Variants in ZDHHC14 observed in about 807,000 individuals in gnomAD.
ZDHHC14 encodes palmitoyltransferase ZDHHC14.
ZDHHC14 carries 16 observed loss-of-function variants against 47.7 expected under a neutral mutation model. That is an observed-to-expected ratio of 0.34 (90% CI 0.23 to 0.51). ZDHHC14 has a LOEUF of 0.51. Among genes scored for constraint, ZDHHC14 ranks in the 20% least tolerant of loss-of-function variants. ZDHHC14 has a pLI of 0.97. For missense variants in ZDHHC14, 515 were observed against 662.5 expected (o/e 0.78, Z 2.44); for synonymous variants, 293 against 278.9 (o/e 1.05, Z -0.50).
intron 3 of ZDHHC14, among the ~76,000 whole-genome samples, chr6:157,619,207 G>A (rs1383665726): frequency 2.0e-5 from 3 of 149,840 alleles, no homozygotes; most frequent in Non-Finnish European, 3.0e-5. Flanking sequence ...ATGGTGAAAC[G>A]CCGTCTCTAC....
At chr6:157,661,812 C>G (rs1397145341) in intron 8 of ZDHHC14, among the ~76,000 whole-genome samples, 1 of 152,196 alleles carries the variant, frequency 6.6e-6, no homozygotes, top group African/African-American at 2.4e-5. Context: ...ACCTAATAAA[C>G]TGGAGGAGCT....
chr6:157,477,021 T>C (rs1245738121), intron 1 of ZDHHC14, among the ~76,000 whole-genome samples: 1 of 152,096 alleles, frequency 6.6e-6, no homozygotes, highest in Non-Finnish European at 1.5e-5. Flanking sequence ...AGCCACTTCT[T>C]TTCAACATAG....
chr6:157,555,196 A>T (rs1265531014), intron 2 of ZDHHC14, among the ~76,000 whole-genome samples: 1 of 152,220 alleles, frequency 6.6e-6, no homozygotes, highest in Non-Finnish European at 1.5e-5. Flanking sequence ...TTTCTCTTAG[A>T]GGCAGATGAT....
In ZDHHC14 at chr6:157,675,835, G is replaced by A. The variant is rs1778962547; in HGVS notation, c.*2713G>A. 1 of 152,210 alleles carries A rather than the reference G, an allele frequency of 6.6e-6. No individual in the cohort carries two copies. Among genetic ancestry groups the A allele is most frequent in the Non-Finnish European group, 1.5e-5 (1 of 68,046 alleles). 9.4% of individuals were successfully genotyped at this position (152,210 alleles called of 1,614,324 possible). A position where few individuals can be genotyped will look rare whatever the true frequency, so the allele number is the denominator to read the frequency against. ...ACGTTGGTGTTTCTAACTTCTTTCA[G>A]TGTGTTAGAGATTGATTACATGCTA... On this transcript the variant is annotated 3_prime_UTR_variant, in exon 9 of 9. Transcript: ENST00000359775.
intron 1 of ZDHHC14, 43 bp from the exon 2 acceptor site, chr6:157,542,542 C>T: frequency 6.3e-7 from 1 of 1,591,576 alleles, no homozygotes; most frequent in East Asian, 2.3e-5. Flanking sequence ...ATTGTATTTC[C>T]TTTCTTTTCC....
At chr6:157,387,664 T>C (rs1448573280) in intron 1 of ZDHHC14, among the ~76,000 whole-genome samples, 1 of 152,236 alleles carries the variant, frequency 6.6e-6, no homozygotes, top group African/African-American at 2.4e-5. Context: ...GAAAACCTTA[T>C]GATCCATTGA....
At chr6:157,575,925 T>C (rs1013870279) in intron 2 of ZDHHC14, among the ~76,000 whole-genome samples, 1 of 152,232 alleles carries the variant, frequency 6.6e-6, no homozygotes. Flanking sequence ...TTTCATTCCT[T>C]GCAGGACTCA....
intron 5 of ZDHHC14, among the ~76,000 whole-genome samples, chr6:157,635,954 T>C (rs938626925): frequency 1.3e-5 from 2 of 152,192 alleles, no homozygotes; most frequent in African/African-American, 4.8e-5. Flanking sequence ...TTCCAAATAG[T>C]GTTTCCTCAT....
At chr6:157,385,663 A>G (rs1777295728) in intron 1 of ZDHHC14, among the ~76,000 whole-genome samples, 1 of 152,252 alleles carries the variant, frequency 6.6e-6, no homozygotes, top group Admixed American at 6.5e-5. Flanking sequence ...GGCAGGGTAG[A>G]AATGATTATT....
intron 1 of ZDHHC14, among the ~76,000 whole-genome samples, chr6:157,534,025 G>A (rs139998323): frequency 0.017 from 2,618 of 152,206 alleles, 82 homozygotes; most frequent in African/African-American, 0.059. Context: ...TAAAATGTGG[G>A]GTACCTTAGA....
chr6:157,662,958 G>A (rs532312438), intron 8 of ZDHHC14, among the ~76,000 whole-genome samples: 11 of 152,344 alleles, frequency 7.2e-5, no homozygotes, highest in African/African-American at 2.2e-4. Flanking sequence ...TAGCACTCAT[G>A]AAAATTTTAT....
At position 157,674,033 on chromosome 6, in the gene ZDHHC14, T is replaced by C. The variant is rs1778925129; in HGVS notation, c.*911T>C. On this transcript the variant is annotated 3_prime_UTR_variant, in exon 9 of 9. Coordinates refer to ENST00000359775, the MANE Select transcript of ZDHHC14 (RefSeq NM_024630.3). ...TTCTTGAAATGTCCCTAGCGAGGAA[T>C]GGTCCCCAGACAACCAAAAGTCAAA... is the stretch of plus-strand genomic sequence containing the variant. 1 of 152,676 alleles carries C rather than the reference T, an allele frequency of 6.5e-6. No homozygotes were observed. The highest frequency in any genetic ancestry group is 6.5e-5 in the Admixed American group (1 of 15,292). The allele number at this position is 152,676 out of a possible 1,614,324, so 9.5% of individuals were successfully genotyped here. A position where few individuals can be genotyped will look rare whatever the true frequency, so the allele number is the denominator to read the frequency against.
At chr6:157,656,991 T>A (rs904890217) in intron 8 of ZDHHC14, among the ~76,000 whole-genome samples, 1 of 152,004 alleles carries the variant, frequency 6.6e-6, no homozygotes, top group African/African-American at 2.4e-5. Context: ...CATACCTGAG[T>A]GTAGGTGGCT....
intron 2 of ZDHHC14, among the ~76,000 whole-genome samples, chr6:157,580,623 G>T (rs193029742): frequency 1.1e-3 from 162 of 152,118 alleles, no homozygotes; most frequent in Non-Finnish European, 1.9e-3. Flanking sequence ...TTTGGAGATT[G>T]TATGTGTCCA....
In ZDHHC14 at chr6:157,676,572, G is replaced by A. The variant is rs916863418; in HGVS notation, c.*3450G>A. On this transcript the variant is annotated 3_prime_UTR_variant, in exon 9 of 9. Transcript: ENST00000359775. ...AAAACCCCTAAGCTCTTCACCTCCT[G>A]GGCCTAGGCCTTCTTGTCTGACTCA... The A allele has an allele frequency of 6.6e-6, 1 of 152,272 alleles. No homozygotes were observed. Among genetic ancestry groups the A allele is most frequent in the African/African-American group, 2.4e-5 (1 of 41,452 alleles). 9.4% of individuals were successfully genotyped at this position (152,272 alleles called of 1,614,324 possible).
intron 1 of ZDHHC14, among the ~76,000 whole-genome samples, chr6:157,396,130 A>G (rs370967810): frequency 6.6e-6 from 1 of 152,088 alleles, no homozygotes; most frequent in Non-Finnish European, 1.5e-5. Context: ...TGACACTGTC[A>G]TGTACCAGGA....
chr6:157,607,409 C>A (rs1223048848), intron 3 of ZDHHC14, among the ~76,000 whole-genome samples: 1 of 152,066 alleles, frequency 6.6e-6, no homozygotes, highest in Admixed American at 6.5e-5. Flanking sequence ...AACAAACAAA[C>A]AAACCAACTA....
chr6:157,599,203 C>T (rs960017370), intron 3 of ZDHHC14, among the ~76,000 whole-genome samples: 2 of 152,176 alleles, frequency 1.3e-5, no homozygotes, highest in Non-Finnish European at 2.9e-5. Flanking sequence ...AGAAGACTGT[C>T]GGGTTGCCGG....
chr6:157,421,453 A>G (rs1012560884), intron 1 of ZDHHC14, among the ~76,000 whole-genome samples: 4 of 128,290 alleles, frequency 3.1e-5, no homozygotes, highest in Non-Finnish European at 6.3e-5. Context: ...AGATCGTGCC[A>G]CTGCACTCCA....
Sources: allele counts gnomAD v4.1 joint callset (sites outside exome capture counted in the v4.1 genomes callset), GRCh38; gene constraint gnomAD v4.1.1; transcripts MANE v1.5; gene names NCBI Gene and HGNC (gene_info 2026-07-23, HGNC 2026-07-21).